NPNT: variants seen among roughly 807,000 people sequenced by gnomAD.
NPNT encodes the protein nephronectin.
NPNT carries 45 observed loss-of-function variants against 68.6 expected under a neutral mutation model. The ratio of observed to expected loss-of-function variants is 0.66; its 90% CI spans 0.52 to 0.84. The LOEUF (loss-of-function observed/expected upper bound fraction) is 0.84. Ranked by LOEUF, NPNT falls within the 40% of genes least tolerant of loss-of-function variation. The pLI, the probability that NPNT is intolerant of heterozygous loss-of-function variation, is 0.00. For missense variants in NPNT, 672 were observed against 714.8 expected (o/e 0.94, Z 0.68); for synonymous variants, 233 against 253.3 (o/e 0.92, Z 0.76).
At chr4:105,963,177 A>T (rs1308353895) in intron 10 of NPNT, among the ~76,000 whole-genome samples, 1 of 152,154 alleles carries the variant, frequency 6.6e-6, no homozygotes, top group Non-Finnish European at 1.5e-5. Context: ...GTGAGCCGAG[A>T]TCACGCCACT....
At chr4:105,898,435 G>T (rs188622269) in intron 2 of NPNT, among the ~76,000 whole-genome samples, 1 of 146,510 alleles carries the variant, frequency 6.8e-6, no homozygotes, top group Admixed American at 6.9e-5. Flanking sequence ...AGTCTAGACC[G>T]TATTTACACT....
intron 5 of NPNT, 64 bp from the exon 6 acceptor site, chr4:105,940,011 T>G: frequency 2.1e-6 from 3 of 1,435,818 alleles, no homozygotes; most frequent in Non-Finnish European, 2.9e-6. Flanking sequence ...TTATTTATTT[T>G]GAAACCCACT....
At chr4:105,913,891 T>A (rs1397018827) in intron 2 of NPNT, among the ~76,000 whole-genome samples, 2 of 152,118 alleles carry the variant, frequency 1.3e-5, no homozygotes, top group African/African-American at 4.8e-5. Flanking sequence ...GGGAAATGAA[T>A]TGAAGGGAGA....
At chr4:105,967,126 A>C (rs1732209941) in intron 10 of NPNT, 62 bp from the exon 11 acceptor site, 3 of 1,488,986 alleles carry the variant, frequency 2.0e-6, no homozygotes, top group African/African-American at 1.4e-5. Flanking sequence ...ACTCCTGTCC[A>C]TGCTGCTTGT....
intron 2 of NPNT, among the ~76,000 whole-genome samples, chr4:105,922,185 C>T (rs1728307516): frequency 6.6e-6 from 1 of 151,908 alleles, no homozygotes; most frequent in Non-Finnish European, 1.5e-5. Context: ...TTCAGAGCCT[C>T]CATCTGCTTG....
chr4:105,917,664 G>A lies in NPNT; in HGVS notation c.173-9672G>A, dbSNP rs185169460. ...AGAGGGTATGAACTCAGCATGAGGC[G>A]TGAAAATCTTGGGGGTGATATAATG... On this transcript the variant is annotated intron_variant, in intron 2 of 11. Transcript: ENST00000379987. Among the ~76,000 whole-genome samples the A allele has an allele frequency of 4.6e-5, 7 of 152,272 alleles. No homozygotes were observed. In the East Asian group the frequency reaches 5.8e-4, roughly 13 times the overall value.
chr4:105,965,779 GA>G (rs1315449011), intron 10 of NPNT, among the ~76,000 whole-genome samples: 11 of 152,330 alleles, frequency 7.2e-5, no homozygotes, highest in African/African-American at 2.6e-4. Flanking sequence ...TCAAGTACGT[GA>G]ATCAAGGATC....
In NPNT at chr4:105,971,426, A is replaced by AT. The variant is rs1732559023; in HGVS notation, c.*2441dup. ...CGGCAGAATATATGGCTGTAGATCCATTTTTAATGGTTCATTTCCTTTATG... is the reference window on the plus strand; with the variant it reads ...CGGCAGAATATATGGCTGTAGATCCATTTTTTAATGGTTCATTTCCTTTATG... On this transcript the variant is annotated 3_prime_UTR_variant, in exon 12 of 12. Coordinates refer to ENST00000379987, the MANE Select transcript of NPNT (RefSeq NM_001033047.3). 1 of 220,788 alleles carries AT rather than the reference A, an allele frequency of 4.5e-6. No individual in the cohort carries two copies. The highest frequency in any genetic ancestry group is 2.2e-5 in the African/African-American group (1 of 44,796). 13.7% of individuals were successfully genotyped at this position (220,788 alleles called of 1,614,324 possible).
intron 5 of NPNT, 107 bp from the exon 6 acceptor site, chr4:105,939,968 G>A: frequency 1.1e-6 from 1 of 882,622 alleles, no homozygotes; most frequent in Non-Finnish European, 1.8e-6. Context: ...TTTATGATGA[G>A]CCACTATATG....
At chr4:105,931,600 G>A (rs1484878614) in intron 3 of NPNT, among the ~76,000 whole-genome samples, 4 of 150,838 alleles carry the variant, frequency 2.7e-5, no homozygotes, top group African/African-American at 4.9e-5. Flanking sequence ...CGAGGCGGGC[G>A]GATCACGAGG....
Position 105,923,146 on chromosome 4 carries a change from A to G in NPNT, c.173-4190A>G, listed in dbSNP as rs1408417110. Among the ~76,000 whole-genome samples, 4 of 152,182 alleles carry G rather than the reference A, an allele frequency of 2.6e-5. No homozygotes were observed. The East Asian group carries it at 7.7e-4, about 29-fold the overall frequency. ...AGGGATGACCTACTATTCACAGAGTAATGCAGTTTGCTGAAAAGGTTGGTT... is the reference window on the plus strand; with the variant it reads ...AGGGATGACCTACTATTCACAGAGTGATGCAGTTTGCTGAAAAGGTTGGTT... On this transcript the variant is annotated intron_variant, in intron 2 of 11. Transcript: ENST00000379987.
intron 8 of NPNT, among the ~76,000 whole-genome samples, chr4:105,955,620 T>A (rs982569960): frequency 3.9e-5 from 6 of 152,060 alleles, no homozygotes; most frequent in South Asian, 2.1e-4. Flanking sequence ...AAAAAAAAAA[T>A]TTCATTTCTA....
chr4:105,919,769 T>C (rs1012217997), intron 2 of NPNT, among the ~76,000 whole-genome samples: 5 of 151,304 alleles, frequency 3.3e-5, no homozygotes, highest in African/African-American at 1.2e-4. Flanking sequence ...GCACATATGT[T>C]GGTTTGTCCT....
intron 2 of NPNT, chr4:105,911,954 G>C (rs1374336284): frequency 4.1e-6 from 2 of 490,900 alleles, no homozygotes; most frequent in Non-Finnish European, 3.6e-6. Flanking sequence ...TAGAAGAATA[G>C]CATAACTTCA....
intron 3 of NPNT, among the ~76,000 whole-genome samples, chr4:105,928,774 G>A (rs1728886381): frequency 2.2e-5 from 1 of 45,724 alleles, no homozygotes; most frequent in Non-Finnish European, 7.4e-5. Flanking sequence ...AATGTCAGGT[G>A]AAATAATCAT....
chr4:105,900,840 T>G (rs996941896), intron 2 of NPNT, among the ~76,000 whole-genome samples: 14 of 151,252 alleles, frequency 9.3e-5, no homozygotes, highest in African/African-American at 2.7e-4. Flanking sequence ...GGTTGTTTTT[T>G]TTTTTTTTTT....
At chr4:105,931,565 C>G (rs1729101157) in intron 3 of NPNT, among the ~76,000 whole-genome samples, 1 of 151,714 alleles carries the variant, frequency 6.6e-6, no homozygotes, top group Non-Finnish European at 1.5e-5. Context: ...TGGCTCTACC[C>G]TGTAATCCCA....
intron 2 of NPNT, among the ~76,000 whole-genome samples, chr4:105,909,719 C>G (rs942568002): frequency 6.6e-6 from 1 of 152,084 alleles, no homozygotes; most frequent in Non-Finnish European, 1.5e-5. Flanking sequence ...AAAAATATAG[C>G]ATGAAAATTA....
chr4:105,928,591 C>T (rs1578625434), intron 3 of NPNT, among the ~76,000 whole-genome samples: 1 of 101,764 alleles, frequency 9.8e-6, no homozygotes, highest in African/African-American at 4.0e-5. Flanking sequence ...CCAGCCTAGG[C>T]AACAAGAGCG....
Sources: allele counts gnomAD v4.1 joint callset (sites outside exome capture counted in the v4.1 genomes callset), GRCh38; gene constraint gnomAD v4.1.1; transcripts MANE v1.5; gene names NCBI Gene and HGNC (gene_info 2026-07-23, HGNC 2026-07-21).